The following PLEKHA5 variants were observed in gnomAD, a reference collection of about 807,000 sequenced individuals.
PLEKHA5 encodes pleckstrin homology domain-containing family A member 5.
Under a neutral mutation model 181.9 loss-of-function variants are expected in PLEKHA5, and 55 were observed. The observed-to-expected ratio is 0.30, with a 90% CI of 0.24 to 0.38. The LOEUF (loss-of-function observed/expected upper bound fraction) is 0.38, where lower values mean the gene tolerates loss of function less well. PLEKHA5 is among the 10% of genes least tolerant of loss of function. The pLI is 1.00. For synonymous variants in PLEKHA5, 535 were observed against 529.4 expected (o/e 1.01, Z -0.15); for missense variants, 1,432 against 1,549.5 (o/e 0.92, Z 1.27).
intron 15 of PLEKHA5, among the ~76,000 whole-genome samples, chr12:19,293,068 T>C (rs1336566762): frequency 1.3e-5 from 2 of 152,222 alleles, no homozygotes; most frequent in African/African-American, 4.8e-5. Flanking sequence ...TACATTTTTT[T>C]ATATAAATCA....
chr12:19,374,799 C>CA (rs2095673525), intron 31 of PLEKHA5, among the ~76,000 whole-genome samples: 1 of 148,088 alleles, frequency 6.8e-6, no homozygotes, highest in Admixed American at 6.8e-5. Flanking sequence ...TACTAAAATA[C>CA]AAAAAATTAG....
At chr12:19,179,626 C>G (rs558465632) in intron 3 of PLEKHA5, among the ~76,000 whole-genome samples, 66 of 152,260 alleles carry the variant, frequency 4.3e-4, no homozygotes, top group African/African-American at 1.5e-3. Context: ...CACCGTTGGA[C>G]TCCAGCCTGG....
chr12:19,364,165 A>G (rs1186778994), intron 29 of PLEKHA5, among the ~76,000 whole-genome samples: 1 of 152,180 alleles, frequency 6.6e-6, no homozygotes, highest in African/African-American at 2.4e-5. Context: ...GTAACCAAAT[A>G]GTTTGAGGAA....
rs777367851 is a variant in PLEKHA5, at chr12:19,269,793, C to G, written c.735C>G (p.Thr245=). 23 of 1,600,820 alleles carry G rather than the reference C, an allele frequency of 1.4e-5. No individual in the cohort carries two copies. In the African/African-American group the frequency reaches 2.8e-4, roughly 20 times the overall value. ...AFKAAHPNMR[T]YYFCTDTGKE... ...AGGCAGCCCATCCAAACATGCGGACCTATTATTTCTGCACTGATACAGGAA... is the reference window on the plus strand; with the variant it reads ...AGGCAGCCCATCCAAACATGCGGACGTATTATTTCTGCACTGATACAGGAA... Residue 245 remains threonine (T), a synonymous_variant, in exon 9 of 32, where the codon ACC becomes ACG. Transcript: ENST00000429027.
intron 18 of PLEKHA5, among the ~76,000 whole-genome samples, 199 bp from the exon 19 acceptor site, chr12:19,322,111 G>A (rs1012234259): frequency 6.6e-6 from 1 of 152,108 alleles, no homozygotes; most frequent in African/African-American, 2.4e-5. Flanking sequence ...ATTAAGGACT[G>A]CATATTATCA....
intron 3 of PLEKHA5, chr12:19,205,404 A>G: frequency 1.0e-6 from 1 of 983,954 alleles, no homozygotes; most frequent in Non-Finnish European, 1.2e-6. Flanking sequence ...GAAGCCTGAG[A>G]CAAAGAAAAG....
chr12:19,287,435 C>T lies in PLEKHA5; in HGVS notation c.1780-38C>T, dbSNP rs528660512. 21 of 1,278,298 alleles carry T rather than the reference C, an allele frequency of 1.6e-5. No homozygotes were observed. The African/African-American group carries it at 2.5e-4, about 15-fold the overall frequency. The allele number at this position is 1,278,298 out of a possible 1,614,324, so 79.2% of individuals were successfully genotyped here. A position where few individuals can be genotyped will look rare whatever the true frequency, so the allele number is the denominator to read the frequency against. On this transcript the variant is annotated intron_variant, in intron 12 of 31. Transcript: ENST00000429027. ...GCTGACATTGATAAGAAAAAAAAAA[C>T]TTTACCACAGAATTACATTGTGCCT... is the stretch of plus-strand genomic sequence containing the variant.
rs551436563 is a variant in PLEKHA5 at position 19,231,961 on chromosome 12, T to C, written c.228-21979T>C. On this transcript the variant is annotated intron_variant, in intron 3 of 31. Coordinates refer to ENST00000429027, the MANE Select transcript of PLEKHA5 (RefSeq NM_001256470.2). ...AGCACCCAAAGATAGAGTTTAAATA[T>C]GCCAAAGGGGATATAAATATAACCA... Among the ~76,000 whole-genome samples the C allele has an allele frequency of 6.1e-4, 93 of 152,046 alleles. 1 individual carries two copies. Among genetic ancestry groups the C allele is most frequent in the Non-Finnish European group, 1.1e-3 (74 of 67,964 alleles).
chr12:19,327,448 T>G (rs1289395699), intron 20 of PLEKHA5, among the ~76,000 whole-genome samples: 2 of 151,828 alleles, frequency 1.3e-5, no homozygotes, highest in East Asian at 3.9e-4. Context: ...TTTGTTTTGT[T>G]TTTTCCTCGT....
At chr12:19,204,530 T>A (rs544234688) in intron 3 of PLEKHA5, among the ~76,000 whole-genome samples, 1 of 152,214 alleles carries the variant, frequency 6.6e-6, no homozygotes, top group East Asian at 1.9e-4. Context: ...CTTAACAAAC[T>A]AGGTGAATTA....
intron 20 of PLEKHA5, among the ~76,000 whole-genome samples, chr12:19,331,681 A>G (rs959202891): frequency 1.3e-5 from 2 of 152,172 alleles, no homozygotes; most frequent in Admixed American, 1.3e-4. Context: ...AGAAGTAAGC[A>G]CTATTAAAAT....
chr12:19,183,557 A>ATG (rs2049095375), intron 3 of PLEKHA5, among the ~76,000 whole-genome samples: 1 of 152,178 alleles, frequency 6.6e-6, no homozygotes, highest in East Asian at 1.9e-4. Flanking sequence ...CGACACTTTA[A>ATG]TGTTAAGAGG....
At chr12:19,238,675 A>G (rs910596837) in intron 3 of PLEKHA5, among the ~76,000 whole-genome samples, 10 of 152,106 alleles carry the variant, frequency 6.6e-5, no homozygotes, top group African/African-American at 2.4e-4. Flanking sequence ...AATATTCAGT[A>G]TACATTTTAA....
chr12:19,345,502 G>A (rs1251723596), intron 22 of PLEKHA5, among the ~76,000 whole-genome samples: 1 of 151,876 alleles, frequency 6.6e-6, no homozygotes, highest in African/African-American at 2.4e-5. Context: ...CATGGCTCAC[G>A]CCTGTAATCC....
chr12:19,206,796 T>C (rs941799328), intron 3 of PLEKHA5, among the ~76,000 whole-genome samples: 17 of 152,164 alleles, frequency 1.1e-4, no homozygotes, highest in Admixed American at 2.0e-4. Flanking sequence ...GTGACAGGAC[T>C]CAAGAAATCT....
chr12:19,289,153 G>C (rs1428157663), intron 13 of PLEKHA5, among the ~76,000 whole-genome samples: 1 of 152,114 alleles, frequency 6.6e-6, no homozygotes, highest in East Asian at 1.9e-4. Flanking sequence ...AAAAGCAACT[G>C]TTCTTTTTCT....
intron 7 of PLEKHA5, among the ~76,000 whole-genome samples, chr12:19,263,890 A>G (rs1354086485): frequency 6.6e-6 from 1 of 152,170 alleles, no homozygotes; most frequent in Admixed American, 6.6e-5. Context: ...GAGTTCTTTC[A>G]TTCTACAAAC....
chr12:19,211,190 T>C (rs2056823955), intron 3 of PLEKHA5, among the ~76,000 whole-genome samples: 2 of 152,208 alleles, frequency 1.3e-5, no homozygotes, highest in African/African-American at 4.8e-5. Context: ...TCTTTGGTTT[T>C]ATAACACATA....
Position 19,287,908 on chromosome 12 carries a change from A to G in PLEKHA5, c.1863+352A>G, listed in dbSNP as rs528431263. Among the ~76,000 whole-genome samples, 319 of 152,004 alleles carry G rather than the reference A, an allele frequency of 2.1e-3. 2 individuals are homozygous for G. Among genetic ancestry groups the G allele is most frequent in the Middle Eastern group, 3.4e-3 (1 of 294 alleles). ...AGCCTGGCCAACATGTTGAAACCCC[A>G]TCTCTACTAAAAATACAAAATTAGC... On this transcript the variant is annotated intron_variant, in intron 13 of 31. Coordinates refer to ENST00000429027, the MANE Select transcript of PLEKHA5 (RefSeq NM_001256470.2).
Sources: allele counts gnomAD v4.1 joint callset (sites outside exome capture counted in the v4.1 genomes callset), GRCh38; gene constraint gnomAD v4.1.1; transcripts MANE v1.5; gene names NCBI Gene and HGNC (gene_info 2026-07-23, HGNC 2026-07-21).